The following SHROOM3 variants were observed in gnomAD, a reference collection of about 807,000 sequenced individuals.
The protein encoded by SHROOM3 is protein Shroom3.
Under a neutral mutation model 138.6 loss-of-function variants are expected in SHROOM3, and 47 were observed. The ratio of observed to expected loss-of-function variants is 0.34; its 90% CI spans 0.27 to 0.43. The LOEUF (loss-of-function observed/expected upper bound fraction) is 0.43, where lower values mean the gene tolerates loss of function less well. Ranked by LOEUF, SHROOM3 falls within the 20% of genes least tolerant of loss-of-function variation. SHROOM3 has a pLI of 1.00. For synonymous variants in SHROOM3, 1,062 were observed against 1,063.3 expected (o/e 1.00, Z 0.02); for missense variants, 2,491 against 2,596.5 (o/e 0.96, Z 0.88).
At chr4:76,591,575 G>A (rs926080881) in intron 2 of SHROOM3, among the ~76,000 whole-genome samples, 1 of 151,040 alleles carries the variant, frequency 6.6e-6, no homozygotes, top group African/African-American at 2.4e-5. Context: ...TTCTTGATTG[G>A]TAGTGTGTAT....
chr4:76,580,672 G>A lies in SHROOM3; in HGVS notation c.323+24909G>A, dbSNP rs186544733. ...AACACCTGACCTCAGGTGATCTGCC[G>A]GCCTCGGCCTCCCAAAGTGCTGGGA... On this transcript the variant is annotated intron_variant, in intron 2 of 10. Transcript: ENST00000296043. Among the ~76,000 whole-genome samples the A allele has an allele frequency of 2.3e-3, 355 of 151,918 alleles. 1 individual carries two copies. The highest frequency in any genetic ancestry group is 7.8e-3 in the African/African-American group (322 of 41,458).
intron 2 of SHROOM3, among the ~76,000 whole-genome samples, chr4:76,572,151 T>C (rs971580298): frequency 1.3e-5 from 2 of 152,204 alleles, no homozygotes; most frequent in African/African-American, 4.8e-5. Flanking sequence ...AGGAGATGAT[T>C]TGCTAATCTT....
At chr4:76,537,379 T>G (rs1044494640) in intron 1 of SHROOM3, among the ~76,000 whole-genome samples, 1 of 152,186 alleles carries the variant, frequency 6.6e-6, no homozygotes, top group Non-Finnish European at 1.5e-5. Flanking sequence ...GTAAAAGTAC[T>G]TGAGCTTTTA....
intron 1 of SHROOM3, among the ~76,000 whole-genome samples, chr4:76,503,272 G>A (rs1732139356): frequency 6.6e-6 from 1 of 151,354 alleles, no homozygotes; most frequent in African/African-American, 2.4e-5. Context: ...TTCAATTCAT[G>A]AACGTTATGT....
chr4:76,460,920 G>A (rs1731129093), intron 1 of SHROOM3, among the ~76,000 whole-genome samples: 1 of 149,684 alleles, frequency 6.7e-6, no homozygotes, highest in Non-Finnish European at 1.5e-5. Flanking sequence ...CTGATTCTGG[G>A]AAGTCAAGGC....
intron 1 of SHROOM3, among the ~76,000 whole-genome samples, chr4:76,549,562 T>C (rs1319946906): frequency 6.6e-6 from 1 of 151,954 alleles, no homozygotes; most frequent in Non-Finnish European, 1.5e-5. Flanking sequence ...AGAGACGGGG[T>C]TTCACCATGT....
intron 8 of SHROOM3, 41 bp from the exon 9 acceptor site, chr4:76,759,504 C>T (rs367697752): frequency 4.7e-5 from 76 of 1,612,752 alleles, no homozygotes; most frequent in Non-Finnish European, 5.8e-5. Context: ...AAGCCTCTGG[C>T]GTGATCTGTG....
intron 2 of SHROOM3, among the ~76,000 whole-genome samples, chr4:76,608,669 A>AGAGATG (rs1734692246): frequency 1.9e-5 from 1 of 52,654 alleles, no homozygotes; most frequent in African/African-American, 4.8e-5. Context: ...AGCATAGCAC[A>AGAGATG]GCATAGCACA....
At chr4:76,520,399 G>A (rs1251173214) in intron 1 of SHROOM3, among the ~76,000 whole-genome samples, 2 of 151,940 alleles carry the variant, frequency 1.3e-5, no homozygotes, top group African/African-American at 4.8e-5. Context: ...TTGGGTGCAT[G>A]TTATGTGCCA....
chr4:76,608,373 T>C (rs537966925), intron 2 of SHROOM3, among the ~76,000 whole-genome samples: 27 of 152,314 alleles, frequency 1.8e-4, no homozygotes, highest in Non-Finnish European at 3.1e-4. Flanking sequence ...AATCAACTCA[T>C]CTTAATGAAG....
intron 2 of SHROOM3, among the ~76,000 whole-genome samples, chr4:76,697,375 G>GAGGT (rs1232110750): frequency 6.6e-6 from 1 of 152,148 alleles, no homozygotes; most frequent in Non-Finnish European, 1.5e-5. Context: ...AGGGTGAGGG[G>GAGGT]AGGTAGTTTC....
chr4:76,687,858 TTA>T (rs1220966618), intron 2 of SHROOM3, among the ~76,000 whole-genome samples: 1 of 152,168 alleles, frequency 6.6e-6, no homozygotes, highest in Non-Finnish European at 1.5e-5. Flanking sequence ...TGTTCCACCC[TTA>T]TGAGATTTCA....
intron 1 of SHROOM3, among the ~76,000 whole-genome samples, chr4:76,454,163 C>A (rs1456156377): frequency 6.6e-6 from 1 of 152,180 alleles, no homozygotes; most frequent in African/African-American, 2.4e-5. Flanking sequence ...CCTGCCTCAG[C>A]CTCCTGAGTG....
chr4:76,550,394 A>G (rs563565342), intron 1 of SHROOM3, among the ~76,000 whole-genome samples: 2 of 152,324 alleles, frequency 1.3e-5, no homozygotes, highest in South Asian at 4.1e-4. Flanking sequence ...TGACAAAGGT[A>G]GTGACTGAGG....
At chr4:76,512,345 G>A (rs1396056388) in intron 1 of SHROOM3, among the ~76,000 whole-genome samples, 1 of 152,150 alleles carries the variant, frequency 6.6e-6, no homozygotes, top group Non-Finnish European at 1.5e-5. Flanking sequence ...AGGAAGGAGG[G>A]CAGGTTATAA....
At chr4:76,677,208 T>C (rs1424028742) in intron 2 of SHROOM3, among the ~76,000 whole-genome samples, 4 of 152,210 alleles carry the variant, frequency 2.6e-5, no homozygotes, top group African/African-American at 9.7e-5. Flanking sequence ...AGTATTTGCC[T>C]GTACAGAATG....
chr4:76,498,856 A>G (rs1732025042), intron 1 of SHROOM3, among the ~76,000 whole-genome samples: 1 of 152,156 alleles, frequency 6.6e-6, no homozygotes, highest in African/African-American at 2.4e-5. Context: ...ACTGTAACCC[A>G]TGAAATTAAA....
chr4:76,480,728 T>A (rs1731590869), intron 1 of SHROOM3, among the ~76,000 whole-genome samples: 1 of 152,160 alleles, frequency 6.6e-6, no homozygotes. Context: ...CCTACATAAT[T>A]GGAAGTAAAA....
intron 2 of SHROOM3, among the ~76,000 whole-genome samples, chr4:76,667,966 C>CAAAAAAAAAAA (rs747974205): frequency 0.017 from 1,074 of 62,498 alleles, 77 homozygotes; most frequent in East Asian, 0.043. Context: ...GACTCCCTCT[C>CAAAAAAAAAAA]AAAAAAAAAA....
Sources: allele counts gnomAD v4.1 joint callset (sites outside exome capture counted in the v4.1 genomes callset), GRCh38; gene constraint gnomAD v4.1.1; transcripts MANE v1.5; gene names NCBI Gene and HGNC (gene_info 2026-07-23, HGNC 2026-07-21).